Variants in SLC29A4 observed in about 807,000 individuals in gnomAD.
SLC29A4 encodes the protein equilibrative nucleoside transporter 4.
Under a neutral mutation model 43.9 loss-of-function variants are expected in SLC29A4, and 36 were observed. The observed-to-expected ratio is 0.82, with a 90% CI of 0.63 to 1.08. The LOEUF (loss-of-function observed/expected upper bound fraction) is 1.08. Ranked by LOEUF, SLC29A4 falls within the 50% of genes least tolerant of loss-of-function variation. The pLI is 0.00. For missense variants in SLC29A4, 869 were observed against 755.3 expected (o/e 1.15, Z -1.77); for synonymous variants, 491 against 338.0 (o/e 1.45, Z -4.97).
rs369769905 is a variant in SLC29A4, at chr7:5,291,241, C to T, written c.415+4C>T. 1.8e-4 allele frequency: 296 copies of T among 1,609,752 alleles called. 1 individual carries two copies. The highest frequency in any genetic ancestry group is 1.7e-3 in the South Asian group (159 of 90,890). On this transcript the variant is annotated splice_donor_region_variant and intron_variant, in intron 4 of 10. Coordinates refer to ENST00000396872, the MANE Select transcript of SLC29A4 (RefSeq NM_153247.4). ...CTGCACACCAGGATCACCGCAGGTG[C>T]GCTGGGCCCCGCCACGGGACACCTG...
Position 5,294,149 on chromosome 7 carries a change from C to T in SLC29A4, c.545-711C>T, listed in dbSNP as rs543451605. Among the ~76,000 whole-genome samples the T allele has an allele frequency of 1.6e-4, 25 of 152,116 alleles. 1 individual carries two copies. The South Asian group carries it at 5.2e-3, about 32-fold the overall frequency. Reference sequence around the variant, plus strand: ...AAAGACAAGATCTCACTTTGTAGTCCAGGATGGTCTTGAACTCCTAGACTC... The same window carrying T: ...AAAGACAAGATCTCACTTTGTAGTCTAGGATGGTCTTGAACTCCTAGACTC... On this transcript the variant is annotated intron_variant, in intron 5 of 10. Transcript: ENST00000396872.
rs190251892 is a variant in SLC29A4, at chr7:5,306,843, G to C, written c.*3904G>C. Reference sequence around the variant, plus strand: ...TTTTTTTATGAAAAAAGATCACACAGAATTTGCCAACAAACAAAATTCCAA... The same window carrying C: ...TTTTTTTATGAAAAAAGATCACACACAATTTGCCAACAAACAAAATTCCAA... On this transcript the variant is annotated 3_prime_UTR_variant, in exon 11 of 11. Coordinates refer to ENST00000396872, the MANE Select transcript of SLC29A4 (RefSeq NM_153247.4). 2.0e-5 allele frequency: 3 copies of C among 148,798 alleles called. No individual in the cohort carries two copies. The highest frequency in any genetic ancestry group is 7.5e-5 in the African/African-American group (3 of 39,892). 9.2% of individuals were successfully genotyped at this position (148,798 alleles called of 1,614,324 possible).
chr7:5,289,382 G>A (rs577589819), intron 2 of SLC29A4, among the ~76,000 whole-genome samples: 75 of 152,082 alleles, frequency 4.9e-4, no homozygotes, highest in Non-Finnish European at 8.4e-4. Flanking sequence ...GAGCAACGGC[G>A]AGACTCTGAA....
At chr7:5,302,059 T>G (rs763109145) in intron 10 of SLC29A4, among the ~76,000 whole-genome samples, 1 of 152,202 alleles carries the variant, frequency 6.6e-6, no homozygotes, top group Non-Finnish European at 1.5e-5. Flanking sequence ...CAAGCAATTC[T>G]CATGCCTCAG....
rs529875119 is a variant in SLC29A4 at position 5,306,041 on chromosome 7, G to A, written c.*3102G>A. On this transcript the variant is annotated 3_prime_UTR_variant, in exon 11 of 11. Transcript: ENST00000396872. ...TTTTTGTATTTTTAGTAGAGATGGG[G>A]TTTCACCATATTGGCCAGGCTGGTC... The A allele has an allele frequency of 1.3e-5, 2 of 149,844 alleles. No homozygotes were observed. Among genetic ancestry groups the A allele is most frequent in the Non-Finnish European group, 3.0e-5 (2 of 67,600 alleles). The allele number at this position is 149,844 out of a possible 1,614,324, so 9.3% of individuals were successfully genotyped here. A position where few individuals can be genotyped will look rare whatever the true frequency, so the allele number is the denominator to read the frequency against.
chr7:5,287,937 C>G lies in SLC29A4; in HGVS notation c.121C>G (p.Gln41Glu). The G allele has an allele frequency of 3.1e-6, 5 of 1,611,384 alleles. No individual in the cohort carries two copies. Among genetic ancestry groups the G allele is most frequent in the Non-Finnish European group, 4.2e-6 (5 of 1,179,480 alleles). ...HQLEEAAEAA[Q>E]GQGLRARGVP... Reference sequence around the variant, plus strand: ...GCTGGAGGAGGCGGCGGAGGCGGCTCAGGGCCAGGGCCTTAGGGCCAGGGG... The same window carrying G: ...GCTGGAGGAGGCGGCGGAGGCGGCTGAGGGCCAGGGCCTTAGGGCCAGGGG... The change falls in exon 2 of 11, where the codon CAG (glutamine) becomes GAG (glutamate). Residue 41 changes from glutamine to glutamate, a missense_variant. By Grantham distance (29) the Gln-to-Glu change is conservative. Transcript: ENST00000396872.
intron 1 of SLC29A4, among the ~76,000 whole-genome samples, chr7:5,285,133 C>T (rs1223738094): frequency 6.6e-6 from 1 of 152,176 alleles, no homozygotes; most frequent in African/African-American, 2.4e-5. Flanking sequence ...CTCTCTGGCG[C>T]CTCCCAACGA....
Position 5,304,369 on chromosome 7 carries a change from G to A in SLC29A4, c.*1430G>A, listed in dbSNP as rs1180690872. 1 of 126,720 alleles carries A rather than the reference G, an allele frequency of 7.9e-6. No homozygotes were observed. The highest frequency in any genetic ancestry group is 1.6e-5 in the Non-Finnish European group (1 of 63,024). 7.8% of individuals were successfully genotyped at this position (126,720 alleles called of 1,614,324 possible). ...GCAGCCCATTTGAAGGGGAAACAAA[G>A]TGGGCGGGGCTTGGCCCCTGCCCCT... On this transcript the variant is annotated 3_prime_UTR_variant, in exon 11 of 11. Transcript: ENST00000396872.
chr7:5,297,272 C>T (rs62441137), intron 7 of SLC29A4, 74 bp downstream of exon 7: 98,125 of 1,428,832 alleles, frequency 0.069, 3,714 homozygotes, highest in Middle Eastern at 0.077. Context: ...CGGGAAGTAC[C>T]TGGGGCCCAG....
chr7:5,296,118 G>C (rs1467341358), intron 6 of SLC29A4, among the ~76,000 whole-genome samples: 1 of 152,084 alleles, frequency 6.6e-6, no homozygotes, highest in East Asian at 1.9e-4. Context: ...CCCCTGGCCA[G>C]GAACACCCGT....
At chr7:5,296,016 A>G (rs2128090028) in intron 6 of SLC29A4, among the ~76,000 whole-genome samples, 1 of 152,042 alleles carries the variant, frequency 6.6e-6, no homozygotes. Context: ...GAAAAAACCC[A>G]CAGCCTGCCC....
intron 10 of SLC29A4, among the ~76,000 whole-genome samples, chr7:5,302,578 A>G (rs2128093240): frequency 6.6e-6 from 1 of 152,310 alleles, no homozygotes; most frequent in South Asian, 2.1e-4. Context: ...GGACTCAGAG[A>G]AGGCAGGCAA....
intron 6 of SLC29A4, 74 bp from the exon 7 acceptor site, chr7:5,296,862 C>T: frequency 2.5e-6 from 3 of 1,196,470 alleles, no homozygotes; most frequent in South Asian, 1.6e-5. Context: ...TGTGTGTGGA[C>T]GGGGCTGGGG....
chr7:5,299,823 G>C (rs1437180815), intron 9 of SLC29A4, among the ~76,000 whole-genome samples: 1 of 152,218 alleles, frequency 6.6e-6, no homozygotes, highest in South Asian at 2.1e-4. Context: ...GGCCAGAGAT[G>C]GGTAGATCAC....
At chr7:5,300,321 A>G in intron 9 of SLC29A4, 101 bp from the exon 10 acceptor site, 3 of 1,557,526 alleles carry the variant, frequency 1.9e-6, no homozygotes, top group East Asian at 2.3e-5. Flanking sequence ...GGACAGGCCC[A>G]GGAGTGTTTA....
rs1786393230 is a variant in SLC29A4 at position 5,304,707 on chromosome 7, TTGGCCATGC to T, written c.*1772_*1780del. ...CTTGTGGAGACCGGGTTTCACCATG[TTGGCCATGC>T]TGGTCTCGAACTCCTGATCTCAAGT... On this transcript the variant is annotated 3_prime_UTR_variant, in exon 11 of 11. Transcript: ENST00000396872. 1.3e-5 allele frequency: 2 copies of T among 152,184 alleles called. No homozygotes were observed. Among genetic ancestry groups the T allele is most frequent in the African/African-American group, 4.8e-5 (2 of 41,430 alleles). 9.4% of individuals were successfully genotyped at this position (152,184 alleles called of 1,614,324 possible). A position where few individuals can be genotyped will look rare whatever the true frequency, so the allele number is the denominator to read the frequency against.
intron 1 of SLC29A4, among the ~76,000 whole-genome samples, chr7:5,284,031 G>A (rs1384142528): frequency 2.4e-4 from 19 of 78,320 alleles, no homozygotes; most frequent in African/African-American, 8.8e-4. Context: ...TGAGCTGCAC[G>A]ACCCCCCCCC....
chr7:5,301,727 C>A (rs978723359), intron 10 of SLC29A4, among the ~76,000 whole-genome samples: 1 of 152,138 alleles, frequency 6.6e-6, no homozygotes, highest in African/African-American at 2.4e-5. Context: ...CGGCAGCCCA[C>A]AGGACCGGCT....
At chr7:5,293,427 C>A (rs1427507775) in intron 5 of SLC29A4, among the ~76,000 whole-genome samples, 1 of 152,106 alleles carries the variant, frequency 6.6e-6, no homozygotes, top group Non-Finnish European at 1.5e-5. Flanking sequence ...GCCTCAGCCT[C>A]CCAAAGTGCT....
Sources: gnomAD v4.1 joint callset for allele counts (sites outside exome capture counted in the v4.1 genomes callset) on GRCh38, gnomAD v4.1.1 for gene constraint, MANE v1.5 for transcripts, NCBI Gene and HGNC (gene_info 2026-07-23, HGNC 2026-07-21) for gene names.